TMEM255B: variants seen among roughly 807,000 people sequenced by gnomAD.
The protein encoded by TMEM255B is transmembrane protein 255B, also known as family with sequence similarity 70, member B.
In TMEM255B, 35 loss-of-function variants were observed where a neutral mutation model predicts 34.5. The ratio of observed to expected loss-of-function variants is 1.01; its 90% CI spans 0.77 to 1.34. The LOEUF (loss-of-function observed/expected upper bound fraction) is 1.34, where lower values mean the gene tolerates loss of function less well. Ranked by LOEUF, TMEM255B falls within the 40% of genes most tolerant of loss-of-function variation. The pLI is 0.00. For missense variants in TMEM255B, 432 were observed against 433.2 expected (o/e 1.00, Z 0.02); for synonymous variants, 206 against 201.2 (o/e 1.02, Z -0.20).
Position 113,804,876 on chromosome 13 carries a change from C to G in TMEM255B, c.670-9C>G, listed in dbSNP as rs2051138880. ...TACACGCCGACCACCCGTCTCCTCTCCATGGCAGGTGCCTCTGTCCCAGCT... is the reference window on the plus strand; with the variant it reads ...TACACGCCGACCACCCGTCTCCTCTGCATGGCAGGTGCCTCTGTCCCAGCT... On this transcript the variant is annotated splice_polypyrimidine_tract_variant and intron_variant, in intron 7 of 8. Coordinates refer to ENST00000375353, the MANE Select transcript of TMEM255B (RefSeq NM_182614.4). The G allele has an allele frequency of 1.3e-6, 2 of 1,596,142 alleles. No homozygotes were observed. The highest frequency in any genetic ancestry group is 2.7e-5 in the African/African-American group (2 of 74,780).
At position 113,813,975 on chromosome 13, in the gene TMEM255B, G is replaced by T. The variant is rs1181693199; in HGVS notation, c.*2072G>T. 2 of 152,180 alleles carry T rather than the reference G, an allele frequency of 1.3e-5. No homozygotes were observed. Among genetic ancestry groups the T allele is most frequent in the South Asian group, 2.1e-4 (1 of 4,832 alleles). 9.4% of individuals were successfully genotyped at this position (152,180 alleles called of 1,614,324 possible). A position where few individuals can be genotyped will look rare whatever the true frequency, so the allele number is the denominator to read the frequency against. On this transcript the variant is annotated 3_prime_UTR_variant, in exon 9 of 9. Coordinates refer to ENST00000375353, the MANE Select transcript of TMEM255B (RefSeq NM_182614.4). Reference sequence around the variant, plus strand: ...AAGCTGAACAAGCAGCAGAGACCAAGAGGTTTCTGGAGCGCCGGGAGATGC... The same window carrying T: ...AAGCTGAACAAGCAGCAGAGACCAATAGGTTTCTGGAGCGCCGGGAGATGC...
At chr13:113,801,383 C>T (rs906728945) in intron 6 of TMEM255B, among the ~76,000 whole-genome samples, 33 of 152,312 alleles carry the variant, frequency 2.2e-4, no homozygotes, top group East Asian at 1.5e-3. Flanking sequence ...CCCAGACACC[C>T]GTCCTGCCAG....
intron 8 of TMEM255B, among the ~76,000 whole-genome samples, chr13:113,807,696 C>T (rs1350596208): frequency 2.0e-4 from 25 of 127,646 alleles, no homozygotes; most frequent in East Asian, 4.9e-4. Flanking sequence ...CGCAGGCTTA[C>T]GGGATGTGGG....
chr13:113,794,895 G>A (rs537009325), intron 3 of TMEM255B, among the ~76,000 whole-genome samples: 17 of 152,362 alleles, frequency 1.1e-4, no homozygotes, highest in Admixed American at 9.1e-4. Context: ...GGCGCGTGCC[G>A]AGGGCCCGGG....
intron 5 of TMEM255B, 80 bp downstream of exon 5, chr13:113,799,499 C>T (rs1022179599): frequency 2.9e-5 from 39 of 1,334,684 alleles, no homozygotes; most frequent in Middle Eastern, 1.8e-4. Flanking sequence ...TGCACATAGG[C>T]GTGGTCTGAA....
chr13:113,779,426 T>C (rs993995002), intron 3 of TMEM255B, among the ~76,000 whole-genome samples: 3 of 152,140 alleles, frequency 2.0e-5, no homozygotes, highest in African/African-American at 7.2e-5. Context: ...TGCTGATACA[T>C]CTAGGAGTGG....
At chr13:113,808,327 G>A (rs142914141) in intron 8 of TMEM255B, among the ~76,000 whole-genome samples, 62 of 152,300 alleles carry the variant, frequency 4.1e-4, no homozygotes, top group African/African-American at 1.4e-3. Flanking sequence ...AGGGGAGGAC[G>A]TGGCATCACA....
intron 7 of TMEM255B, among the ~76,000 whole-genome samples, chr13:113,802,345 T>C (rs35771574): frequency 0.12 from 18,329 of 152,200 alleles, 1,197 homozygotes; most frequent in Middle Eastern, 0.23. Flanking sequence ...ATGTCCTCTC[T>C]CTTCTCCCTC....
Position 113,804,847 on chromosome 13 carries a change from G to C in TMEM255B, c.670-38G>C, listed in dbSNP as rs774147245. The C allele has an allele frequency of 1.9e-6, 3 of 1,566,804 alleles. No individual in the cohort carries two copies. The African/African-American group carries it at 4.1e-5, about 21-fold the overall frequency. ...GCTGGACAGCCCTTCCCTCCACTAG[G>C]GGGTACACGCCGACCACCCGTCTCC... On this transcript the variant is annotated intron_variant, in intron 7 of 8. Coordinates refer to ENST00000375353, the MANE Select transcript of TMEM255B (RefSeq NM_182614.4).
In TMEM255B at chr13:113,812,947, CCCGGG is replaced by C. The variant is rs2051351027; in HGVS notation, c.*1045_*1049del. The C allele has an allele frequency of 1.4e-4, 21 of 149,380 alleles. No homozygotes were observed. Among genetic ancestry groups the C allele is most frequent in the African/African-American group, 5.3e-4 (21 of 39,558 alleles). The allele number at this position is 149,380 out of a possible 1,614,324, so 9.3% of individuals were successfully genotyped here. A position where few individuals can be genotyped will look rare whatever the true frequency, so the allele number is the denominator to read the frequency against. The stretch of plus-strand genomic sequence containing the variant: ...CACGGGTCCCGGGTGGGTCACGGGT[CCCGGG>C]TGGGTCACGGGCCCCGGGTGGGTCA... On this transcript the variant is annotated 3_prime_UTR_variant, in exon 9 of 9. Transcript: ENST00000375353.
intron 3 of TMEM255B, among the ~76,000 whole-genome samples, chr13:113,773,018 C>T: frequency 6.6e-6 from 1 of 152,100 alleles, no homozygotes; most frequent in East Asian, 1.9e-4. Flanking sequence ...TTAAGTATCC[C>T]AATCCATGAA....
At chr13:113,778,399 G>A (rs914215714) in intron 3 of TMEM255B, among the ~76,000 whole-genome samples, 10 of 152,222 alleles carry the variant, frequency 6.6e-5, no homozygotes, top group South Asian at 4.2e-4. Context: ...GGTGAGTCCC[G>A]ATTTCACCTG....
chr13:113,782,680 G>C (rs1218160223), intron 3 of TMEM255B, among the ~76,000 whole-genome samples: 2 of 151,652 alleles, frequency 1.3e-5, no homozygotes, highest in African/African-American at 2.4e-5. Flanking sequence ...GTCGGAGGGG[G>C]GGGCTTCATT....
In TMEM255B at chr13:113,798,857, G is replaced by A. The variant is rs1372197731; in HGVS notation, c.343-482G>A. Among the ~76,000 whole-genome samples the A allele has an allele frequency of 2.6e-5, 4 of 152,290 alleles. No homozygotes were observed. In the South Asian group the frequency reaches 8.3e-4, roughly 32 times the overall value. ...GGAAGGAAGAATGGGTGGATGCACA[G>A]ATGATTGATTGGATGATTGGATGGA... On this transcript the variant is annotated intron_variant, in intron 4 of 8. Transcript: ENST00000375353.
chr13:113,776,216 A>G (rs1161603006), intron 3 of TMEM255B, among the ~76,000 whole-genome samples: 1 of 152,112 alleles, frequency 6.6e-6, no homozygotes, highest in Non-Finnish European at 1.5e-5. Context: ...CACTGGCACA[A>G]GGGTGGGTGA....
intron 2 of TMEM255B, chr13:113,768,394 C>T (rs1177856506): frequency 1.3e-5 from 5 of 377,288 alleles, no homozygotes; most frequent in Non-Finnish European, 2.8e-5. Context: ...TGTTCTAAGA[C>T]AGCACAGTCC....
intron 3 of TMEM255B, among the ~76,000 whole-genome samples, chr13:113,793,047 G>A (rs923899678): frequency 2.0e-5 from 3 of 152,252 alleles, no homozygotes; most frequent in Non-Finnish European, 2.9e-5. Flanking sequence ...CTAGGGGCAA[G>A]TCCAGCCCAG....
chr13:113,797,462 G>A (rs570404369), intron 4 of TMEM255B, among the ~76,000 whole-genome samples: 13 of 152,174 alleles, frequency 8.5e-5, no homozygotes, highest in Non-Finnish European at 1.5e-4. Context: ...CCGGCACACC[G>A]CCCTCCCTCC....
intron 7 of TMEM255B, among the ~76,000 whole-genome samples, chr13:113,802,116 C>T (rs534353379): frequency 1.3e-5 from 2 of 152,382 alleles, no homozygotes; most frequent in South Asian, 2.1e-4. Context: ...GTGCACTAAG[C>T]TCCCATCATT....
Sources: allele counts gnomAD v4.1 joint callset (sites outside exome capture counted in the v4.1 genomes callset), GRCh38; gene constraint gnomAD v4.1.1; transcripts MANE v1.5; gene names NCBI Gene and HGNC (gene_info 2026-07-23, HGNC 2026-07-21).